The following MMRN1 variants were observed in gnomAD, a reference collection of about 807,000 sequenced individuals.
MMRN1 encodes the protein multimerin-1.
Under a neutral mutation model 100.7 loss-of-function variants are expected in MMRN1, and 94 were observed. The ratio of observed to expected loss-of-function variants is 0.93; its 90% CI spans 0.79 to 1.11. MMRN1 has a LOEUF of 1.11. Ranked by LOEUF, MMRN1 falls within the 50% of genes least tolerant of loss-of-function variation. The pLI is 0.00. For missense variants in MMRN1, 1,606 were observed against 1,439.1 expected, an observed-to-expected ratio of 1.12 and a Z score of -1.88; for synonymous variants, 575 against 505.0, an observed-to-expected ratio of 1.14 and a Z score of -1.86.
At chr4:89,913,734 C>G (rs1470209906) in intron 3 of MMRN1, among the ~76,000 whole-genome samples, 1 of 151,138 alleles carries the variant, frequency 6.6e-6, no homozygotes, top group Non-Finnish European at 1.5e-5. Flanking sequence ...GTATTAATTT[C>G]CAGTGGCAAA....
At chr4:89,922,296 G>A (rs1273759932) in intron 3 of MMRN1, among the ~76,000 whole-genome samples, 3 of 151,768 alleles carry the variant, frequency 2.0e-5, no homozygotes, top group East Asian at 1.9e-4. Context: ...TAGTAGAGAC[G>A]GGCTTTCACT....
rs1723175974 is a variant in MMRN1, at chr4:89,951,586, G to C, written c.3119-19G>C. 1.4e-6 allele frequency: 2 copies of C among 1,458,578 alleles called. No homozygotes were observed. The highest frequency in any genetic ancestry group is 1.8e-6 in the Non-Finnish European group (2 of 1,104,662). 90.4% of individuals were successfully genotyped at this position (1,458,578 alleles called of 1,614,324 possible). ...AGGTCACTTTATTCTCTTTTACCTT[G>C]ATTCTTTTTCCGTAACAGAGGAGTA... On this transcript the variant is annotated intron_variant, in intron 6 of 7. Transcript: ENST00000264790.
In MMRN1 at chr4:89,936,592, T is replaced by C. The variant is rs530586902; in HGVS notation, c.2912T>C (p.Ile971Thr). The change falls in exon 6 of 8, where the codon ATT becomes ACT. Residue 971 changes from isoleucine to threonine, a missense_variant. Coordinates refer to ENST00000264790, the MANE Select transcript of MMRN1 (RefSeq NM_007351.3). ...KGLTEFVEPI[I>T]QIKTQAALSN... ...CTAACAGAATTTGTGGAACCAATAA[T>C]TCAAATAAAAACTCAAGCTGCCCTA... The C allele has an allele frequency of 6.2e-7, 1 of 1,611,804 alleles. No homozygotes were observed. The highest frequency in any genetic ancestry group is 1.1e-5 in the South Asian group (1 of 90,504).
At position 89,951,625 on chromosome 4, in the gene MMRN1, C is replaced by A. The variant is rs368250909; in HGVS notation, c.3139C>A (p.Arg1047=). 3.5e-5 allele frequency: 53 copies of A among 1,531,322 alleles called. No individual in the cohort carries two copies. In the South Asian group the frequency reaches 3.5e-4, roughly 10 times the overall value. 94.9% of individuals were successfully genotyped at this position (1,531,322 alleles called of 1,614,324 possible). Residue 1047 remains arginine (R), a synonymous_variant, in exon 7 of 8, where the codon CGG becomes AGG. Transcript: ENST00000264790. Reference sequence around the variant, plus strand: ...AACAGAGGAGTATTCAAGCTGTAGTCGGCATCCGTGCCAAAATGGGGGCAC... The same window carrying A: ...AACAGAGGAGTATTCAAGCTGTAGTAGGCATCCGTGCCAAAATGGGGGCAC... ...IYPEEYSSCS[R]HPCQNGGTCI...
At chr4:89,926,142 G>A (rs1347900713) in intron 4 of MMRN1, among the ~76,000 whole-genome samples, 2 of 152,072 alleles carry the variant, frequency 1.3e-5, no homozygotes, top group South Asian at 2.1e-4. Flanking sequence ...GTGTGTATAC[G>A]TGGAAGTGGG....
rs750982569 is a variant in MMRN1, at chr4:89,951,690, A to C, written c.3204A>C (p.Arg1068Ser). Residue 1068 changes from arginine to serine, a missense_variant, in exon 7 of 8, where the codon AGA becomes AGC. Arg to Ser is a moderately radical substitution (Grantham distance 110, BLOSUM62 -1). Transcript: ENST00000264790. Reference sequence around the variant, plus strand: ...GAACTAGCTTTACCTGTGCCTGCAGACATCCTTTTACTGGTGACAACTGCA... The same window carrying C: ...GAACTAGCTTTACCTGTGCCTGCAGCCATCCTTTTACTGGTGACAACTGCA... Reference protein sequence around the residue: ...NGRTSFTCACRHPFTGDNCTI... With the variant: ...NGRTSFTCACSHPFTGDNCTI... 46 of 1,603,618 alleles carry C rather than the reference A, an allele frequency of 2.9e-5. No homozygotes were observed. The South Asian group carries it at 4.8e-4, about 17-fold the overall frequency.
chr4:89,948,098 C>T (rs1378857406), intron 6 of MMRN1, among the ~76,000 whole-genome samples: 2 of 152,040 alleles, frequency 1.3e-5, no homozygotes, highest in Non-Finnish European at 2.9e-5. Flanking sequence ...GTGATCTGCC[C>T]GCCTCAGCCT....
intron 5 of MMRN1, among the ~76,000 whole-genome samples, chr4:89,929,204 T>A (rs1042271227): frequency 3.9e-5 from 6 of 152,180 alleles, no homozygotes; most frequent in Non-Finnish European, 7.4e-5. Context: ...TACTGTTTTT[T>A]TTCCTTTTGC....
intron 6 of MMRN1, among the ~76,000 whole-genome samples, chr4:89,944,850 A>C (rs1243536484): frequency 6.6e-6 from 1 of 152,158 alleles, no homozygotes; most frequent in African/African-American, 2.4e-5. Flanking sequence ...AAACAACGCG[A>C]GTTTATTTGT....
At chr4:89,888,309 A>G (rs1720981176) in intron 1 of MMRN1, among the ~76,000 whole-genome samples, 3 of 152,076 alleles carry the variant, frequency 2.0e-5, no homozygotes, top group Admixed American at 2.0e-4. Context: ...TTTTTACAAG[A>G]TATAGAATTA....
At position 89,933,268 on chromosome 4, in the gene MMRN1, C is replaced by T. The variant is rs550240887; in HGVS notation, c.1130-1542C>T. ...CATCTCCATCTGAGACCATCTCAGC[C>T]TGGACTTTTTGGTCAAAACCATTTG... On this transcript the variant is annotated intron_variant, in intron 5 of 7. Transcript: ENST00000264790. 3.9e-5 allele frequency among the ~76,000 whole-genome samples: 6 copies of T among 152,242 alleles called. No homozygotes were observed. In the East Asian group the frequency reaches 1.2e-3, roughly 29 times the overall value.
rs137898694 is a variant in MMRN1 at position 89,934,684 on chromosome 4, A to C, written c.1130-126A>C. On this transcript the variant is annotated intron_variant, in intron 5 of 7. Coordinates refer to ENST00000264790, the MANE Select transcript of MMRN1 (RefSeq NM_007351.3). ...GTAATTTTTAAAATTCTATAAGTAA[A>C]TGTAGTTAAGAGGTATTTTTATTAT... 846 of 480,588 alleles carry C rather than the reference A, an allele frequency of 1.8e-3. 9 individuals are homozygous for C. Among genetic ancestry groups the C allele is most frequent in the African/African-American group, 0.016 (777 of 49,592 alleles). The allele number at this position is 480,588 out of a possible 1,614,324, so 29.8% of individuals were successfully genotyped here.
chr4:89,935,178 A>C lies in MMRN1; in HGVS notation c.1498A>C (p.Ile500Leu). 6.2e-7 allele frequency: 1 copy of C among 1,613,344 alleles called. No individual in the cohort carries two copies. Among genetic ancestry groups the C allele is most frequent in the East Asian group, 2.2e-5 (1 of 44,826 alleles). ...TCTAGAACAGGAACACTCAAGAAGC[A>C]TTCTGTATTATGAATCCCTCAATAA... ...GALEQEHSRS[I>L]LYYESLNKTL... The change falls in exon 6 of 8, where the codon ATT (isoleucine) becomes CTT (leucine). Residue 500 changes from isoleucine (I) to leucine (L), a missense_variant. By Grantham distance (5) the Ile-to-Leu change is conservative (BLOSUM62 2). Transcript: ENST00000264790.
At chr4:89,942,764 C>T (rs986387165) in intron 6 of MMRN1, among the ~76,000 whole-genome samples, 1 of 151,880 alleles carries the variant, frequency 6.6e-6, no homozygotes, top group Non-Finnish European at 1.5e-5. Flanking sequence ...AAAATTATGA[C>T]ACAGTGTTTG....
chr4:89,909,193 A>G, intron 1 of MMRN1, 83 bp from the exon 2 acceptor site: 1 of 1,437,072 alleles, frequency 7.0e-7, no homozygotes, highest in Non-Finnish European at 9.5e-7. Context: ...GCAAAAATAA[A>G]TGTTTGTCTG....
At chr4:89,949,507 T>A (rs559472669) in intron 6 of MMRN1, among the ~76,000 whole-genome samples, 5 of 152,334 alleles carry the variant, frequency 3.3e-5, no homozygotes, top group African/African-American at 1.2e-4. Flanking sequence ...ATTGATGTTT[T>A]TAATGCAGGA....
At chr4:89,881,953 T>C (rs1321510294) in intron 1 of MMRN1, among the ~76,000 whole-genome samples, 1 of 151,982 alleles carries the variant, frequency 6.6e-6, no homozygotes, top group South Asian at 2.1e-4. Flanking sequence ...GTTTCCAATA[T>C]CTATACCTTA....
chr4:89,946,346 T>C (rs1722984688), intron 6 of MMRN1, among the ~76,000 whole-genome samples: 1 of 152,216 alleles, frequency 6.6e-6, no homozygotes, highest in African/African-American at 2.4e-5. Context: ...CATTGTGTCC[T>C]AGCAGAGATC....
intron 5 of MMRN1, among the ~76,000 whole-genome samples, chr4:89,931,315 A>G (rs1404929960): frequency 6.6e-6 from 1 of 152,162 alleles, no homozygotes. Context: ...ACTCTTTCAC[A>G]TATTTTTATG....
Sources: allele counts gnomAD v4.1 joint callset (sites outside exome capture counted in the v4.1 genomes callset), GRCh38; gene constraint gnomAD v4.1.1; transcripts MANE v1.5; gene names NCBI Gene and HGNC (gene_info 2026-07-23, HGNC 2026-07-21).